Variants in PRKCH observed in about 807,000 individuals in gnomAD.
PRKCH encodes protein kinase C eta.
A neutral mutation model predicts 82.5 loss-of-function variants in PRKCH; 28 were observed. The observed-to-expected ratio is 0.34, with a 90% CI of 0.25 to 0.47. The LOEUF (loss-of-function observed/expected upper bound fraction) is 0.47, where lower values mean the gene tolerates loss of function less well. PRKCH is among the 20% of genes least tolerant of loss of function. The pLI is 1.00. For synonymous variants in PRKCH, 322 were observed against 327.4 expected (o/e 0.98, Z 0.18); for missense variants, 705 against 881.8 (o/e 0.80, Z 2.54).
Position 61,412,810 on chromosome 14 carries a change from C to G in PRKCH, c.427+21522C>G, listed in dbSNP as rs563042737. 8.5e-5 allele frequency among the ~76,000 whole-genome samples: 13 copies of G among 152,288 alleles called. No individual in the cohort carries two copies. The East Asian group carries it at 2.3e-3, about 27-fold the overall frequency. On this transcript the variant is annotated intron_variant, in intron 2 of 13. Transcript: ENST00000332981. ...CTTTCTCTTACTCTGCTGAAAAAAT[C>G]CTGCAAGATCTGCCATCTTTATGTG...
At chr14:61,349,496 C>G (rs1320974944) in intron 1 of PRKCH, among the ~76,000 whole-genome samples, 1 of 152,126 alleles carries the variant, frequency 6.6e-6, no homozygotes, top group Admixed American at 6.6e-5. Context: ...GCTAGGGGTA[C>G]AGCTGCTGTC....
intron 1 of PRKCH, among the ~76,000 whole-genome samples, chr14:61,380,599 G>T (rs2046492335): frequency 6.6e-6 from 1 of 152,202 alleles, no homozygotes; most frequent in South Asian, 2.1e-4. Flanking sequence ...GGAGGTATCA[G>T]GTAGGCCTTC....
intron 7 of PRKCH, 82 bp downstream of exon 7, chr14:61,453,435 A>T: frequency 6.8e-7 from 1 of 1,466,634 alleles, no homozygotes; most frequent in Non-Finnish European, 9.2e-7. Flanking sequence ...ATGTGGCCTC[A>T]TCAAAGTTCC....
chr14:61,343,562 T>A (rs2045955922), intron 1 of PRKCH, among the ~76,000 whole-genome samples: 1 of 152,194 alleles, frequency 6.6e-6, no homozygotes, highest in Non-Finnish European at 1.5e-5. Context: ...TGATAGATTT[T>A]TTTTTATGTA....
chr14:61,386,821 C>A (rs906552898), intron 1 of PRKCH, among the ~76,000 whole-genome samples: 1 of 152,058 alleles, frequency 6.6e-6, no homozygotes, highest in Non-Finnish European at 1.5e-5. Flanking sequence ...TAATTGTTGT[C>A]GAATATTTGA....
chr14:61,317,856 A>T (rs1450127471), upstream of PRKCH, among the ~76,000 whole-genome samples: 1 of 152,112 alleles, frequency 6.6e-6, no homozygotes, highest in Non-Finnish European at 1.5e-5. Context: ...CTGATCCACT[A>T]TTCTAGCTTC....
intron 1 of PRKCH, among the ~76,000 whole-genome samples, chr14:61,205,243 T>C (rs532978271): frequency 1.8e-4 from 28 of 152,304 alleles, no homozygotes; most frequent in East Asian, 1.2e-3. Flanking sequence ...ATGGGCTTCA[T>C]TGTGTTTAAA....
chr14:61,390,370 G>A (rs1044424936), intron 1 of PRKCH, among the ~76,000 whole-genome samples: 16 of 152,186 alleles, frequency 1.1e-4, no homozygotes, highest in Admixed American at 5.9e-4. Flanking sequence ...TGATACTCCC[G>A]TGACTAATTA....
chr14:61,424,931 G>A (rs537623577), intron 2 of PRKCH, among the ~76,000 whole-genome samples: 49 of 152,362 alleles, frequency 3.2e-4, no homozygotes, highest in Non-Finnish European at 5.7e-4. Flanking sequence ...TAAAAAGTCA[G>A]CTCAGGCTGT....
chr14:61,288,661 C>A (rs1440480719), intron 1 of PRKCH, among the ~76,000 whole-genome samples: 1 of 152,194 alleles, frequency 6.6e-6, no homozygotes, highest in Non-Finnish European at 1.5e-5. Flanking sequence ...ATTGTGTCAA[C>A]TTCTAAGCCA....
Position 61,244,804 on chromosome 14 carries a change from C to A in PRKCH, c.-19+57136C>A, listed in dbSNP as rs560245541. On this transcript the variant is annotated intron_variant, in intron 1 of 3. Coordinates refer to the PRKCH transcript ENST00000555185. ...AACCTGTTACCTATTATGCCTCACA[C>A]TTTATATACCCCCGAATACAACAAG... is the stretch of plus-strand genomic sequence containing the variant. 7.2e-5 allele frequency among the ~76,000 whole-genome samples: 11 copies of A among 152,326 alleles called. No homozygotes were observed. The South Asian group carries it at 2.3e-3, about 32-fold the overall frequency.
chr14:61,363,662 G>T (rs1455803986), intron 1 of PRKCH, among the ~76,000 whole-genome samples: 1 of 152,110 alleles, frequency 6.6e-6, no homozygotes, highest in Non-Finnish European at 1.5e-5. Context: ...ATGGCGTCTG[G>T]AGATGGGAAT....
At chr14:61,532,032 A>G (rs2043049623) in intron 12 of PRKCH, among the ~76,000 whole-genome samples, 1 of 152,232 alleles carries the variant, frequency 6.6e-6, no homozygotes, top group Non-Finnish European at 1.5e-5. Context: ...ACGGAGGCGT[A>G]CTTTGCATGA....
chr14:61,328,985 C>CA lies in PRKCH; in HGVS notation c.363+6535dup, dbSNP rs112999304. 9.0e-3 allele frequency among the ~76,000 whole-genome samples: 1,053 copies of CA among 117,222 alleles called. 40 individuals carry two copies. The East Asian group carries it at 0.11, about 12-fold the overall frequency. 76.9% of individuals were successfully genotyped at this position (117,222 alleles called of 152,430 possible). On this transcript the variant is annotated intron_variant, in intron 1 of 13. Transcript: ENST00000332981. ...TAAATGACAGAGCAAAACCCTGTCTCAAAAAAAAAAAAAAGCTGAAAAAAC... is the reference window on the plus strand; with the variant it reads ...TAAATGACAGAGCAAAACCCTGTCTCAAAAAAAAAAAAAAAGCTGAAAAAAC...
At chr14:61,256,224 A>G (rs1009199436) in intron 1 of PRKCH, among the ~76,000 whole-genome samples, 1 of 152,232 alleles carries the variant, frequency 6.6e-6, no homozygotes, top group Non-Finnish European at 1.5e-5. Context: ...ATAAAAGCTG[A>G]CCAGGAATGC....
chr14:61,515,261 G>A (rs1467087134), intron 10 of PRKCH, among the ~76,000 whole-genome samples: 1 of 152,154 alleles, frequency 6.6e-6, no homozygotes, highest in Non-Finnish European at 1.5e-5. Context: ...TGGGAATTTT[G>A]TGTTTTATTT....
intron 2 of PRKCH, among the ~76,000 whole-genome samples, chr14:61,408,513 G>T (rs6573390): frequency 0.027 from 4,082 of 152,138 alleles, 165 homozygotes; most frequent in African/African-American, 0.092. Flanking sequence ...TTTTGGATCA[G>T]ATGGACTTGG....
chr14:61,449,513 A>G (rs1256328750), intron 5 of PRKCH, among the ~76,000 whole-genome samples: 1 of 152,080 alleles, frequency 6.6e-6, no homozygotes, highest in East Asian at 1.9e-4. Flanking sequence ...CTCCTTTGTG[A>G]GGACCCCATT....
intron 1 of PRKCH, among the ~76,000 whole-genome samples, chr14:61,247,264 G>A (rs996393552): frequency 9.2e-5 from 14 of 151,502 alleles, no homozygotes; most frequent in Non-Finnish European, 2.9e-5. Flanking sequence ...TAGGACATTA[G>A]ACTTTTTTTT....
Sources: gnomAD v4.1 joint callset for allele counts (sites outside exome capture counted in the v4.1 genomes callset) on GRCh38, gnomAD v4.1.1 for gene constraint, MANE v1.5 for transcripts, NCBI Gene and HGNC (gene_info 2026-07-23, HGNC 2026-07-21) for gene names.